KDM4C: variants seen among roughly 807,000 people sequenced by gnomAD.
The protein encoded by KDM4C is lysine-specific demethylase 4C.
In KDM4C, 81 loss-of-function variants were observed where a neutral mutation model predicts 129.3. That is an observed-to-expected ratio of 0.63 (90% CI 0.52 to 0.75). The LOEUF (loss-of-function observed/expected upper bound fraction) is 0.75, where lower values mean the gene tolerates loss of function less well. Ranked by LOEUF, KDM4C falls within the 30% of genes least tolerant of loss-of-function variation. The pLI, the probability that KDM4C is intolerant of heterozygous loss-of-function variation, is 0.00. For synonymous variants in KDM4C, 573 were observed against 456.1 expected (o/e 1.26, Z -3.26); for missense variants, 1,457 against 1,304.0 (o/e 1.12, Z -1.81).
chr9:6,930,452 G>GA (rs35673136), intron 8 of KDM4C, among the ~76,000 whole-genome samples: 38,033 of 150,516 alleles, frequency 0.25, 5,303 homozygotes, highest in South Asian at 0.39. Context: ...AATGTCTTTT[G>GA]AAAAAATCTG....
At chr9:6,801,687 A>G (rs1174228632) in intron 2 of KDM4C, among the ~76,000 whole-genome samples, 1 of 151,982 alleles carries the variant, frequency 6.6e-6, no homozygotes, top group African/African-American at 2.4e-5. Flanking sequence ...ACACATACAC[A>G]TCGAAGAGTA....
At chr9:7,119,962 C>G (rs1839316253) in intron 18 of KDM4C, among the ~76,000 whole-genome samples, 1 of 152,140 alleles carries the variant, frequency 6.6e-6, no homozygotes, top group African/African-American at 2.4e-5. Context: ...AAGGGACTCT[C>G]TCATTATTTT....
intron 8 of KDM4C, among the ~76,000 whole-genome samples, chr9:6,926,793 T>C (rs911761303): frequency 1.3e-5 from 2 of 152,230 alleles, no homozygotes; most frequent in Non-Finnish European, 2.9e-5. Context: ...CATTGATCTG[T>C]GAGGCTCCAT....
chr9:7,016,132 CTTT>C (rs747210107), intron 15 of KDM4C, among the ~76,000 whole-genome samples: 3 of 144,244 alleles, frequency 2.1e-5, no homozygotes, highest in Admixed American at 6.9e-5. Context: ...AATTTATTTT[CTTT>C]TTTTTTTTTT....
upstream of KDM4C, among the ~76,000 whole-genome samples, chr9:6,753,868 CTTTTTTT>C (rs869158656): frequency 5.6e-4 from 45 of 80,372 alleles, 1 homozygote; most frequent in Admixed American, 1.7e-3. Flanking sequence ...TCATTGAATT[CTTTTTTT>C]TTTTTTTTTT....
In KDM4C at chr9:7,065,174, G is replaced by A. The variant is rs546541772; in HGVS notation, c.2424+15974G>A. Among the ~76,000 whole-genome samples, 172 of 152,124 alleles carry A rather than the reference G, an allele frequency of 1.1e-3. 1 individual carries two copies. The highest frequency in any genetic ancestry group is 3.8e-3 in the African/African-American group (157 of 41,510). ...AAACCCATGAAAATGAGTTTATTTC[G>A]GAATCCCTTTTAGTTTTAAATTGAA... On this transcript the variant is annotated intron_variant, in intron 17 of 21. Coordinates refer to ENST00000381309, the MANE Select transcript of KDM4C (RefSeq NM_015061.6).
At position 6,834,950 on chromosome 9, in the gene KDM4C, T is replaced by G; in HGVS notation, c.436-14557T>G. On this transcript the variant is annotated intron_variant, in intron 4 of 21. Coordinates refer to ENST00000381309, the MANE Select transcript of KDM4C (RefSeq NM_015061.6). Reference sequence around the variant, plus strand: ...CGGGGTCACCCACAGTGTGCCCATCTGCGAGGGATATGCCCTCCCCCACAC... The same window carrying G: ...CGGGGTCACCCACAGTGTGCCCATCGGCGAGGGATATGCCCTCCCCCACAC... 2.8e-6 allele frequency: 3 copies of G among 1,060,474 alleles called. No homozygotes were observed. The South Asian group carries it at 3.8e-5, about 13-fold the overall frequency. The allele number at this position is 1,060,474 out of a possible 1,614,324, so 65.7% of individuals were successfully genotyped here. A position where few individuals can be genotyped will look rare whatever the true frequency, so the allele number is the denominator to read the frequency against.
At chr9:6,773,679 G>C (rs945171539) in intron 1 of KDM4C, among the ~76,000 whole-genome samples, 16 of 151,714 alleles carry the variant, frequency 1.1e-4, no homozygotes, top group Admixed American at 9.9e-4. Flanking sequence ...GCTGAGGCAG[G>C]AGAATTGCTT....
At chr9:6,798,660 C>G (rs1156255439) in intron 2 of KDM4C, among the ~76,000 whole-genome samples, 2 of 152,212 alleles carry the variant, frequency 1.3e-5, no homozygotes, top group East Asian at 1.9e-4. Context: ...GACACAGCAA[C>G]CATCCGATTT....
intron 17 of KDM4C, among the ~76,000 whole-genome samples, chr9:7,061,344 G>A (rs528696873): frequency 6.6e-5 from 10 of 152,234 alleles, no homozygotes; most frequent in South Asian, 4.2e-4. Flanking sequence ...AACCTGTCCC[G>A]GAATCTTCTG....
chr9:7,042,162 T>C (rs1828710749), intron 15 of KDM4C, among the ~76,000 whole-genome samples: 1 of 152,096 alleles, frequency 6.6e-6, no homozygotes, highest in Non-Finnish European at 1.5e-5. Context: ...AGGGAAGTAC[T>C]AATTTTTTCC....
rs186404666 is a variant in KDM4C, at chr9:7,025,623, A to T, written c.2259+9694A>T. On this transcript the variant is annotated intron_variant, in intron 15 of 21. Transcript: ENST00000381309. ...CTTAACATTGCATAGGCAAAAACAC[A>T]CAGAGGCAAAAAGAAAACCAATAAA... Among the ~76,000 whole-genome samples, 29 of 152,328 alleles carry T rather than the reference A, an allele frequency of 1.9e-4. No homozygotes were observed. In the East Asian group the frequency reaches 5.2e-3, roughly 27 times the overall value.
intron 12 of KDM4C, among the ~76,000 whole-genome samples, chr9:7,009,496 C>A (rs1011799400): frequency 1.3e-5 from 2 of 151,424 alleles, no homozygotes; most frequent in Non-Finnish European, 2.9e-5. Flanking sequence ...ATGCTTTTTT[C>A]CCCCCATCAA....
At chr9:7,060,726 T>C (rs1015301913) in intron 17 of KDM4C, among the ~76,000 whole-genome samples, 1 of 152,032 alleles carries the variant, frequency 6.6e-6, no homozygotes, top group African/African-American at 2.4e-5. Flanking sequence ...GTGATCCGCC[T>C]GCCTCGGCCT....
chr9:6,844,301 A>G (rs1369755357), intron 4 of KDM4C, among the ~76,000 whole-genome samples: 1 of 152,160 alleles, frequency 6.6e-6, no homozygotes, highest in African/African-American at 2.4e-5. Context: ...TTAGTGACAT[A>G]ATCAAATTAA....
At chr9:6,737,572 G>C (rs1370524849) in intron 1 of KDM4C, among the ~76,000 whole-genome samples, 2 of 148,446 alleles carry the variant, frequency 1.3e-5, no homozygotes, top group Non-Finnish European at 3.0e-5. Flanking sequence ...CCTGAGGCAG[G>C]AGAATCGCTT....
chr9:7,165,835 A>C (rs905786757), intron 20 of KDM4C, among the ~76,000 whole-genome samples: 5 of 152,238 alleles, frequency 3.3e-5, no homozygotes, highest in Non-Finnish European at 7.3e-5. Context: ...TAATGTCACA[A>C]GGAGCTGATG....
At position 7,001,466 on chromosome 9, in the gene KDM4C, G is replaced by C. The variant is rs149634811; in HGVS notation, c.1787-10232G>C. 6.6e-5 allele frequency among the ~76,000 whole-genome samples: 10 copies of C among 152,312 alleles called. No individual in the cohort carries two copies. The East Asian group carries it at 1.5e-3, about 24-fold the overall frequency. On this transcript the variant is annotated intron_variant, in intron 12 of 21. Coordinates refer to ENST00000381309, the MANE Select transcript of KDM4C (RefSeq NM_015061.6). ...CCCAGGAGAAGATTGAATCTTTCATGAGGTAGAGCTGACAGGACCATGTAA... is the reference window on the plus strand; with the variant it reads ...CCCAGGAGAAGATTGAATCTTTCATCAGGTAGAGCTGACAGGACCATGTAA...
intron 8 of KDM4C, among the ~76,000 whole-genome samples, chr9:6,919,529 ATCTGTCTG>A (rs61205193): frequency 0.26 from 37,306 of 142,036 alleles, 5,306 homozygotes; most frequent in Middle Eastern, 0.35. Flanking sequence ...TTTCAATTTC[ATCTGTCTG>A]TCTGTCTGTC....
Sources: gnomAD v4.1 joint callset for allele counts (sites outside exome capture counted in the v4.1 genomes callset) on GRCh38, gnomAD v4.1.1 for gene constraint, MANE v1.5 for transcripts, NCBI Gene and HGNC (gene_info 2026-07-23, HGNC 2026-07-21) for gene names.